Variants in NEURL1 observed in about 807,000 individuals in gnomAD.
NEURL1 encodes the protein E3 ubiquitin-protein ligase NEURL1.
Under a neutral mutation model 41.2 loss-of-function variants are expected in NEURL1, and 26 were observed. The observed-to-expected ratio is 0.63, with a 90% CI of 0.46 to 0.87. NEURL1 has a LOEUF of 0.87. Ranked by LOEUF, NEURL1 falls within the 40% of genes least tolerant of loss-of-function variation. The pLI, the probability that NEURL1 is intolerant of heterozygous loss-of-function variation, is 0.00. For synonymous variants in NEURL1, 400 were observed against 402.3 expected (o/e 0.99, Z 0.07); for missense variants, 761 against 871.1 (o/e 0.87, Z 1.59).
At chr10:103,520,440 G>A (rs898461290) in intron 1 of NEURL1, among the ~76,000 whole-genome samples, 5 of 152,174 alleles carry the variant, frequency 3.3e-5, no homozygotes, top group African/African-American at 1.2e-4. Context: ...GAGCTTCTGA[G>A]CCAGGAGAAG....
At chr10:103,583,705 CAAAAAAA>C (rs1228630032) in intron 3 of NEURL1, among the ~76,000 whole-genome samples, 3 of 19,562 alleles carry the variant, frequency 1.5e-4, no homozygotes, top group African/African-American at 5.6e-4. Context: ...GATCCTGTCT[CAAAAAAA>C]AAAAAAAAAA....
intron 1 of NEURL1, among the ~76,000 whole-genome samples, chr10:103,499,655 G>A (rs927947982): frequency 2.6e-5 from 4 of 151,832 alleles, no homozygotes. Flanking sequence ...TTTTTTAAGA[G>A]ATGGCATCTT....
Position 103,585,096 on chromosome 10 carries a change from A to T in NEURL1, c.1210A>T (p.Asn404Tyr). The T allele has an allele frequency of 6.3e-7, 1 of 1,590,034 alleles. No individual in the cohort carries two copies. The highest frequency in any genetic ancestry group is 8.5e-7 in the Non-Finnish European group (1 of 1,176,208). ...CGGCGACATCCTGGGCCTGGTGGTC[A>T]ACGCCGACGGCGAGCTGCACCTCAG... ...HSGDILGLVV[N>Y]ADGELHLSHN... Residue 404 changes from asparagine (N) to tyrosine (Y), a missense_variant, in exon 4 of 6, where the codon AAC becomes TAC. Asn to Tyr is a moderately radical substitution (Grantham distance 143, BLOSUM62 -2). This residue lies in a region of NEURL1 where 443 missense variants were observed against 408.1 expected (regional missense o/e 1.09). Coordinates refer to ENST00000369780, the MANE Select transcript of NEURL1 (RefSeq NM_004210.5).
chr10:103,566,993 T>C lies in NEURL1; in HGVS notation c.86-3879T>C, dbSNP rs1260548402. ...TCTTTTCTTTCTTTCTTTTTTTTTTTTTTGTTTGAGACAGAGTCTTGCTCT... is the reference window on the plus strand; with the variant it reads ...TCTTTTCTTTCTTTCTTTTTTTTTTCTTTGTTTGAGACAGAGTCTTGCTCT... On this transcript the variant is annotated intron_variant, in intron 1 of 5. Coordinates refer to ENST00000369780, the MANE Select transcript of NEURL1 (RefSeq NM_004210.5). The surrounding 1 kb of genome is among the most constrained non-coding windows in gnomAD (Gnocchi z 4.2). Among the ~76,000 whole-genome samples the C allele has an allele frequency of 6.6e-6, 1 of 151,852 alleles. No individual in the cohort carries two copies. The highest frequency in any genetic ancestry group is 6.6e-5 in the Admixed American group (1 of 15,244).
At chr10:103,531,591 A>G (rs2034574935) in intron 1 of NEURL1, among the ~76,000 whole-genome samples, 1 of 151,684 alleles carries the variant, frequency 6.6e-6, no homozygotes, top group Non-Finnish European at 1.5e-5. Flanking sequence ...GAAGTGCAGT[A>G]GCATGGTCAT....
intron 3 of NEURL1, among the ~76,000 whole-genome samples, chr10:103,580,695 C>T (rs1043818259): frequency 1.3e-5 from 2 of 152,204 alleles, no homozygotes; most frequent in Admixed American, 1.3e-4. Flanking sequence ...GCTCCTGACC[C>T]TGAGGGGTGG....
intron 1 of NEURL1, among the ~76,000 whole-genome samples, chr10:103,560,323 C>T (rs2035265949): frequency 6.6e-6 from 1 of 152,174 alleles, no homozygotes; most frequent in South Asian, 2.1e-4. Flanking sequence ...ATTTGGAGTC[C>T]CCTCCTGGAA....
intron 1 of NEURL1, among the ~76,000 whole-genome samples, chr10:103,498,214 G>A (rs2033732400): frequency 6.6e-6 from 1 of 152,146 alleles, no homozygotes; most frequent in Non-Finnish European, 1.5e-5. Flanking sequence ...GTGCCTGACT[G>A]GATGGGCTAC....
At chr10:103,589,728 T>C in intron 5 of NEURL1, 68 bp downstream of exon 5, 1 of 1,544,248 alleles carries the variant, frequency 6.5e-7, no homozygotes, top group Non-Finnish European at 8.8e-7. Context: ...AGCCTTTGTG[T>C]CCGGGGCTGG....
intron 3 of NEURL1, among the ~76,000 whole-genome samples, chr10:103,573,184 C>A (rs897000417): frequency 1.3e-5 from 2 of 152,120 alleles, no homozygotes; most frequent in Non-Finnish European, 2.9e-5. Flanking sequence ...TTCACCTCAA[C>A]AAAAGTGTTT....
At chr10:103,575,008 AAGAG>A (rs2035629788) in intron 3 of NEURL1, among the ~76,000 whole-genome samples, 1 of 150,930 alleles carries the variant, frequency 6.6e-6, no homozygotes, top group Non-Finnish European at 1.5e-5. Flanking sequence ...TTTTTTGGTA[AAGAG>A]AGAGAGGGAG....
chr10:103,579,744 C>G (rs2035745541), intron 3 of NEURL1, among the ~76,000 whole-genome samples: 1 of 152,114 alleles, frequency 6.6e-6, no homozygotes, highest in Non-Finnish European at 1.5e-5. Flanking sequence ...GAGTTCGAAA[C>G]CAGCCTGGGA....
rs1364487267 is a variant in NEURL1 at position 103,545,415 on chromosome 10, C to T, written c.86-25457C>T. Reference sequence around the variant, plus strand: ...CTGGGGTTGGGGTCAGGGACTCAGTCTAGGGCTAGGACTGGAGGTGTAGTA... The same window carrying T: ...CTGGGGTTGGGGTCAGGGACTCAGTTTAGGGCTAGGACTGGAGGTGTAGTA... On this transcript the variant is annotated intron_variant, in intron 1 of 5. Coordinates refer to ENST00000369780, the MANE Select transcript of NEURL1 (RefSeq NM_004210.5). The surrounding 1 kb of genome is among the most constrained non-coding windows in gnomAD (Gnocchi z 4.5). Among the ~76,000 whole-genome samples the T allele has an allele frequency of 6.6e-6, 1 of 152,176 alleles. No homozygotes were observed. The highest frequency in any genetic ancestry group is 2.4e-5 in the African/African-American group (1 of 41,446).
chr10:103,533,827 C>T (rs186738477), intron 1 of NEURL1, among the ~76,000 whole-genome samples: 7,632 of 152,132 alleles, frequency 0.05, 319 homozygotes, highest in South Asian at 0.2. Flanking sequence ...TGAGCCACCG[C>T]TCCCGGCCTA....
At chr10:103,579,914 C>G (rs1015184096) in intron 3 of NEURL1, among the ~76,000 whole-genome samples, 1 of 152,064 alleles carries the variant, frequency 6.6e-6, no homozygotes, top group Non-Finnish European at 1.5e-5. Context: ...CCACTGCACT[C>G]CAGCCTGGGG....
In NEURL1 at chr10:103,545,854, T is replaced by C. The variant is rs1420659282; in HGVS notation, c.86-25018T>C. Among the ~76,000 whole-genome samples the C allele has an allele frequency of 6.6e-6, 1 of 152,198 alleles. No individual in the cohort carries two copies. The stretch of plus-strand genomic sequence containing the variant: ...GGAGACGTGTGTGGTGCTGAAGCTC[T>C]GACCCCTAGTGTGGGAGTGGCCCAG... On this transcript the variant is annotated intron_variant, in intron 1 of 5. Transcript: ENST00000369780. This position sits in a 1 kb window ranked among gnomAD's most constrained non-coding sequence, Gnocchi z 4.5.
chr10:103,524,505 A>G (rs1201604635), intron 1 of NEURL1, among the ~76,000 whole-genome samples: 4 of 152,052 alleles, frequency 2.6e-5, no homozygotes, highest in Non-Finnish European at 5.9e-5. Flanking sequence ...GGTTTTCTTT[A>G]TAAAATCTTT....
rs1169966496 is a variant in NEURL1 at position 103,545,204 on chromosome 10, G to C, written c.86-25668G>C. 6.6e-6 allele frequency among the ~76,000 whole-genome samples: 1 copy of C among 152,204 alleles called. No individual in the cohort carries two copies. Among genetic ancestry groups the C allele is most frequent in the Non-Finnish European group, 1.5e-5 (1 of 68,020 alleles). ...CTGTCATTGCAGTCACCCTGTGGTGGCTCCCCTCCTTGGGCTGTCCTTTGT... is the reference window on the plus strand; with the variant it reads ...CTGTCATTGCAGTCACCCTGTGGTGCCTCCCCTCCTTGGGCTGTCCTTTGT... On this transcript the variant is annotated intron_variant, in intron 1 of 5. Transcript: ENST00000369780. The surrounding 1 kb of genome is among the most constrained non-coding windows in gnomAD (Gnocchi z 4.5).
At chr10:103,589,435 C>A in intron 4 of NEURL1, 79 bp from the exon 5 acceptor site, 1 of 1,479,906 alleles carries the variant, frequency 6.8e-7, no homozygotes. Context: ...GCCTGGGAAC[C>A]CACTGTGAGG....
Sources: allele counts gnomAD v4.1 joint callset (sites outside exome capture counted in the v4.1 genomes callset), GRCh38; gene constraint gnomAD v4.1.1; regional missense constraint gnomAD v4.1.1; non-coding constraint Gnocchi (gnomAD v3.1); transcripts MANE v1.5; gene names NCBI Gene and HGNC (gene_info 2026-07-23, HGNC 2026-07-21).